PSD3: variants seen among roughly 807,000 people sequenced by gnomAD.
PSD3 encodes PH and SEC7 domain-containing protein 3.
Under a neutral mutation model 105.5 loss-of-function variants are expected in PSD3, and 49 were observed. The ratio of observed to expected loss-of-function variants is 0.46; its 90% CI spans 0.37 to 0.59. PSD3 has a LOEUF of 0.59. PSD3 is among the 20% of genes least tolerant of loss of function. The pLI, the probability that PSD3 is intolerant of heterozygous loss-of-function variation, is 0.00. For synonymous variants in PSD3, 557 were observed against 457.8 expected, an observed-to-expected ratio of 1.22 and a Z score of -2.77; for missense variants, 1,561 against 1,263.8, an observed-to-expected ratio of 1.24 and a Z score of -3.57.
chr8:18,663,207 A>T (rs903480499), intron 9 of PSD3, among the ~76,000 whole-genome samples: 1 of 152,146 alleles, frequency 6.6e-6, no homozygotes, highest in African/African-American at 2.4e-5. Flanking sequence ...AGGGAGGATC[A>T]CTTGAGCCCA....
chr8:19,041,585 T>C (rs80309721), intron 1 of PSD3, among the ~76,000 whole-genome samples: 11 of 152,208 alleles, frequency 7.2e-5, no homozygotes, highest in African/African-American at 2.7e-4. Flanking sequence ...AAGCTGTAAC[T>C]ACTGGAAATG....
chr8:18,713,350 T>C (rs926950470), intron 9 of PSD3, among the ~76,000 whole-genome samples: 4 of 152,184 alleles, frequency 2.6e-5, no homozygotes, highest in African/African-American at 7.2e-5. Flanking sequence ...TTGTCTTTGT[T>C]TGCAGATGAT....
intron 2 of PSD3, among the ~76,000 whole-genome samples, chr8:18,904,427 A>T (rs1320664210): frequency 1.3e-5 from 2 of 152,162 alleles, no homozygotes; most frequent in Non-Finnish European, 2.9e-5. Context: ...GCTTCAGCGG[A>T]TCACCCTTTG....
In PSD3 at chr8:19,074,360, C is replaced by T. The variant is rs562681021; in HGVS notation, c.324+9846G>A. 3.6e-4 allele frequency among the ~76,000 whole-genome samples: 55 copies of T among 152,048 alleles called. 1 individual carries two copies. In the South Asian group the frequency reaches 0.011, roughly 30 times the overall value. On this transcript the variant is annotated intron_variant, in intron 1 of 1. Transcript: ENST00000521475. ...TCTTCCAGGATGAGGGGAAATCTCC[C>T]GGGTCCGGGGGGTGCCACAACTCTG...
At chr8:18,595,355 G>A (rs767483920) in intron 12 of PSD3, among the ~76,000 whole-genome samples, 1 of 150,110 alleles carries the variant, frequency 6.7e-6, no homozygotes, top group Non-Finnish European at 1.5e-5. Context: ...TAGCAAAATA[G>A]CAAGAGTGTT....
At chr8:18,928,024 C>T (rs1821485323) in intron 2 of PSD3, among the ~76,000 whole-genome samples, 1 of 152,204 alleles carries the variant, frequency 6.6e-6, no homozygotes, top group Non-Finnish European at 1.5e-5. Context: ...TGAAAACCTA[C>T]ATCCACTCAA....
chr8:18,922,380 T>C (rs1335639995), intron 2 of PSD3, among the ~76,000 whole-genome samples: 2 of 152,184 alleles, frequency 1.3e-5, no homozygotes, highest in Admixed American at 6.5e-5. Flanking sequence ...CTCAATTACA[T>C]CTGGTGCAGC....
chr8:18,655,123 A>T (rs1019442179), intron 10 of PSD3, among the ~76,000 whole-genome samples: 1 of 151,850 alleles, frequency 6.6e-6, no homozygotes, highest in African/African-American at 2.4e-5. Context: ...GGAGATCGAG[A>T]CCATCCTGGC....
At chr8:18,905,117 C>G (rs949939558) in intron 2 of PSD3, among the ~76,000 whole-genome samples, 3 of 152,198 alleles carry the variant, frequency 2.0e-5, no homozygotes, top group African/African-American at 4.8e-5. Context: ...GGACTAGAAG[C>G]TGGATGAAGA....
chr8:19,029,919 G>A (rs1056923191), intron 1 of PSD3, among the ~76,000 whole-genome samples: 3 of 152,096 alleles, frequency 2.0e-5, no homozygotes, highest in African/African-American at 7.2e-5. Flanking sequence ...TCTTAATAAT[G>A]ATTTTCTACA....
chr8:19,067,431 T>G (rs1219302938), intron 1 of PSD3, among the ~76,000 whole-genome samples: 1 of 152,194 alleles, frequency 6.6e-6, no homozygotes, highest in Admixed American at 6.5e-5. Flanking sequence ...TTCTCCAGGA[T>G]GCCTCCCACA....
rs1232328173 is a variant in PSD3, at chr8:18,941,664, A to AC, written c.22-5523dup. Among the ~76,000 whole-genome samples the AC allele has an allele frequency of 9.9e-4, 124 of 124,624 alleles. 1 individual carries two copies. The highest frequency in any genetic ancestry group is 1.6e-3 in the Non-Finnish European group (104 of 63,084). The allele number at this position is 124,624 out of a possible 152,430, so 81.8% of individuals were successfully genotyped here. On this transcript the variant is annotated intron_variant, in intron 1 of 15. Coordinates refer to ENST00000327040, the MANE Select transcript of PSD3 (RefSeq NM_015310.4). ...AGATAAGCACTACTGATGTAGAATG[A>AC]CTTTTTTTTTTTTTTTTTTTTTTGA...
At chr8:18,744,198 T>C (rs758796298) in intron 9 of PSD3, among the ~76,000 whole-genome samples, 3 of 152,222 alleles carry the variant, frequency 2.0e-5, no homozygotes, top group Non-Finnish European at 4.4e-5. Context: ...CCAAGTATCA[T>C]CCTGTAGGCT....
intron 2 of PSD3, among the ~76,000 whole-genome samples, chr8:18,880,196 A>AT (rs576803206): frequency 1.3e-5 from 2 of 152,258 alleles, no homozygotes; most frequent in South Asian, 2.1e-4. Flanking sequence ...TAAGATAATT[A>AT]TTTTTTTAAA....
intron 14 of PSD3, among the ~76,000 whole-genome samples, chr8:18,568,606 A>G (rs1801941923): frequency 6.6e-6 from 1 of 152,110 alleles, no homozygotes. Context: ...CACTTTCACT[A>G]CGATCCATTT....
intron 1 of PSD3, among the ~76,000 whole-genome samples, chr8:18,937,400 C>A (rs1822210367): frequency 6.6e-6 from 1 of 152,282 alleles, no homozygotes; most frequent in African/African-American, 2.4e-5. Flanking sequence ...AGGGTTTTAA[C>A]AGCAACGAAG....
chr8:18,588,741 G>C (rs936069703), intron 12 of PSD3, among the ~76,000 whole-genome samples: 1 of 152,176 alleles, frequency 6.6e-6, no homozygotes, highest in African/African-American at 2.4e-5. Context: ...TTACAAAGTT[G>C]TTCCCTTGTC....
rs376781530 is a variant in PSD3 at position 18,877,194 on chromosome 8, C to T, written c.131-4461G>A. Among the ~76,000 whole-genome samples the T allele has an allele frequency of 2.6e-5, 4 of 152,230 alleles. No individual in the cohort carries two copies. In the East Asian group the frequency reaches 5.8e-4, roughly 22 times the overall value. ...CTGAAATCCAAATTATCCGTTTTTC[C>T]TTTGGTCTCTTGTGCTTTTTGTATC... On this transcript the variant is annotated intron_variant, in intron 2 of 15. Coordinates refer to ENST00000327040, the MANE Select transcript of PSD3 (RefSeq NM_015310.4).
intron 1 of PSD3, among the ~76,000 whole-genome samples, chr8:19,060,084 G>A (rs1828845350): frequency 6.6e-6 from 1 of 152,076 alleles, no homozygotes; most frequent in African/African-American, 2.4e-5. Flanking sequence ...ATGTAGGAAG[G>A]GCCCTAACTC....
Sources: gnomAD v4.1 joint callset for allele counts (sites outside exome capture counted in the v4.1 genomes callset) on GRCh38, gnomAD v4.1.1 for gene constraint, MANE v1.5 for transcripts, NCBI Gene and HGNC (gene_info 2026-07-23, HGNC 2026-07-21) for gene names.